MAP3K20: variants seen among roughly 807,000 people sequenced by gnomAD.
MAP3K20 encodes the protein HCCS-4.
In MAP3K20, 40 loss-of-function variants were observed where a neutral mutation model predicts 85.7. That is an observed-to-expected ratio of 0.47 (90% CI 0.36 to 0.61). The LOEUF is 0.61. MAP3K20 is among the 20% of genes least tolerant of loss of function. MAP3K20 has a pLI of 0.00. For missense variants in MAP3K20, 817 were observed against 961.7 expected, an observed-to-expected ratio of 0.85 and a Z score of 1.99; for synonymous variants, 325 against 327.7, an observed-to-expected ratio of 0.99 and a Z score of 0.09.
At chr2:173,117,924 G>C (rs574167216) in intron 2 of MAP3K20, among the ~76,000 whole-genome samples, 7 of 152,124 alleles carry the variant, frequency 4.6e-5, no homozygotes, top group Non-Finnish European at 8.8e-5. Context: ...TGATGGGAAG[G>C]GGGTGATAGA....
At chr2:173,148,010 A>G (rs946222413) in intron 2 of MAP3K20, among the ~76,000 whole-genome samples, 5 of 152,186 alleles carry the variant, frequency 3.3e-5, no homozygotes, top group African/African-American at 9.7e-5. Flanking sequence ...CTCTCTGAAA[A>G]TCTGACTTTG....
In MAP3K20 at chr2:173,243,096, A is replaced by G. The variant is rs555110776; in HGVS notation, c.1359+3600A>G. On this transcript the variant is annotated intron_variant, in intron 16 of 19. Transcript: ENST00000375213. ...AAGGTAGATGCTAGATTTTGATACAAAATCAAAAAGTACAATCCCAGCCTT... is the reference window on the plus strand; with the variant it reads ...AAGGTAGATGCTAGATTTTGATACAGAATCAAAAAGTACAATCCCAGCCTT... Among the ~76,000 whole-genome samples, 96 of 152,346 alleles carry G rather than the reference A, an allele frequency of 6.3e-4. 2 individuals carry two copies. The highest frequency in any genetic ancestry group is 2.2e-3 in the African/African-American group (90 of 41,584).
chr2:173,190,547 T>C (rs900586541), intron 5 of MAP3K20, among the ~76,000 whole-genome samples: 2 of 152,164 alleles, frequency 1.3e-5, no homozygotes, highest in Non-Finnish European at 2.9e-5. Flanking sequence ...TAATATGAAG[T>C]AGTAAAGCTA....
intron 2 of MAP3K20, among the ~76,000 whole-genome samples, chr2:173,093,872 A>C (rs970803390): frequency 6.6e-6 from 1 of 151,956 alleles, no homozygotes; most frequent in East Asian, 1.9e-4. Flanking sequence ...CATCATTCTC[A>C]GTAAACTATC....
At chr2:173,216,316 T>A (rs1684069763) in intron 10 of MAP3K20, among the ~76,000 whole-genome samples, 1 of 152,212 alleles carries the variant, frequency 6.6e-6, no homozygotes, top group Non-Finnish European at 1.5e-5. Flanking sequence ...AGGGGATAAC[T>A]TCCTTTAAAA....
chr2:173,244,315 G>A (rs577899894), intron 16 of MAP3K20, among the ~76,000 whole-genome samples: 1 of 152,310 alleles, frequency 6.6e-6, no homozygotes, highest in East Asian at 1.9e-4. Flanking sequence ...GGAACCATGA[G>A]TATTTTATTG....
intron 11 of MAP3K20, chr2:173,226,125 G>C (rs1488680019): frequency 6.1e-6 from 6 of 975,786 alleles, no homozygotes; most frequent in Non-Finnish European, 7.3e-6. Flanking sequence ...CAGTGAATTT[G>C]TTAGACTTTT....
chr2:173,173,154 CTGTGTGTGTGTGTGTG>C (rs57836780), intron 3 of MAP3K20, among the ~76,000 whole-genome samples: 6 of 138,512 alleles, frequency 4.3e-5, no homozygotes, highest in African/African-American at 1.6e-4. Context: ...TCTTTTATTT[CTGTGTGTGTGTGTGTG>C]TGTGTGTGTG....
intron 11 of MAP3K20, chr2:173,222,269 G>A (rs1474099469): frequency 1.0e-6 from 1 of 985,784 alleles, no homozygotes; most frequent in Non-Finnish European, 1.2e-6. Flanking sequence ...GATGATCTAA[G>A]AAGGTTATAA....
rs984654420 is a variant in MAP3K20, at chr2:173,217,111, G to T, written c.852-4G>T. On this transcript the variant is annotated splice_region_variant and splice_polypyrimidine_tract_variant and intron_variant, in intron 10 of 19. Transcript: ENST00000375213. ...TGAGACTTACACCAGCTATCCCCGT[G>T]CAGGTGCGAAATTGAGGCAACTCTT... 2.6e-6 allele frequency: 4 copies of T among 1,549,666 alleles called. No individual in the cohort carries two copies. Among genetic ancestry groups the T allele is most frequent in the Non-Finnish European group, 3.5e-6 (4 of 1,146,484 alleles).
chr2:173,217,143 C>T lies in MAP3K20; in HGVS notation c.880C>T (p.Leu294=). 1 of 1,587,934 alleles carries T rather than the reference C, an allele frequency of 6.3e-7. No homozygotes were observed. The highest frequency in any genetic ancestry group is 8.6e-7 in the Non-Finnish European group (1 of 1,166,690). Reference sequence around the variant, plus strand: ...CGAAATTGAGGCAACTCTTGAGAGGCTAAAGAAACTAGAGCGTGATCTCAG... The same window carrying T: ...CGAAATTGAGGCAACTCTTGAGAGGTTAAAGAAACTAGAGCGTGATCTCAG... The part of the protein sequence containing the change: ...RCEIEATLER[L]KKLERDLSFK... Residue 294 remains leucine (L), a synonymous_variant, in exon 11 of 20, where the codon CTA becomes TTA. Coordinates refer to ENST00000375213, the MANE Select transcript of MAP3K20 (RefSeq NM_016653.3).
At chr2:173,244,653 T>A (rs1684873410) in intron 16 of MAP3K20, among the ~76,000 whole-genome samples, 2 of 152,322 alleles carry the variant, frequency 1.3e-5, no homozygotes, top group Admixed American at 1.3e-4. Flanking sequence ...TAAACCTATA[T>A]AAAACAGTCC....
At chr2:173,104,185 G>T (rs1432488227) in intron 2 of MAP3K20, among the ~76,000 whole-genome samples, 1 of 152,198 alleles carries the variant, frequency 6.6e-6, no homozygotes, top group East Asian at 1.9e-4. Flanking sequence ...CCTGACAGAT[G>T]CCTCCTTAAC....
At chr2:173,181,323 A>C (rs1233980393) in intron 3 of MAP3K20, among the ~76,000 whole-genome samples, 1 of 152,010 alleles carries the variant, frequency 6.6e-6, no homozygotes, top group Non-Finnish European at 1.5e-5. Context: ...AGGAGTTTGA[A>C]GTTTGAGACT....
At position 173,142,990 on chromosome 2, in the gene MAP3K20, G is replaced by A. The variant is rs76636558; in HGVS notation, c.160-26815G>A. On this transcript the variant is annotated intron_variant, in intron 2 of 19. Coordinates refer to ENST00000375213, the MANE Select transcript of MAP3K20 (RefSeq NM_016653.3). ...TGCAGTGAGCTGTGATCACACCATC[G>A]CACTCCAGCCTGGACAGCAGAGCTA... 1.5e-3 allele frequency among the ~76,000 whole-genome samples: 221 copies of A among 152,130 alleles called. 2 individuals are homozygous for A. The East Asian group carries it at 0.022, about 15-fold the overall frequency.
intron 14 of MAP3K20, among the ~76,000 whole-genome samples, chr2:173,234,453 G>A (rs1684599042): frequency 6.6e-6 from 1 of 152,306 alleles, no homozygotes; most frequent in African/African-American, 2.4e-5. Context: ...GATTAAACGT[G>A]CACACAGCAT....
At chr2:173,134,096 G>A (rs1688700232) in intron 2 of MAP3K20, among the ~76,000 whole-genome samples, 1 of 151,150 alleles carries the variant, frequency 6.6e-6, no homozygotes, top group Non-Finnish European at 1.5e-5. Flanking sequence ...TCTCAGTATG[G>A]GATTATTTTC....
Position 173,161,813 on chromosome 2 carries a change from G to A in MAP3K20, c.160-7992G>A, listed in dbSNP as rs561787093. Among the ~76,000 whole-genome samples, 23 of 152,230 alleles carry A rather than the reference G, an allele frequency of 1.5e-4. No individual in the cohort carries two copies. The East Asian group carries it at 2.9e-3, about 19-fold the overall frequency. ...TTCTGTAAGAGTAACCTGAATGAAC[G>A]CTGGTTTGTTCCAGAGCCGTATCGG... is the stretch of plus-strand genomic sequence containing the variant. On this transcript the variant is annotated intron_variant, in intron 2 of 19. Transcript: ENST00000375213.
chr2:173,116,620 C>T (rs1688130986), intron 2 of MAP3K20, among the ~76,000 whole-genome samples: 1 of 152,206 alleles, frequency 6.6e-6, no homozygotes, highest in Non-Finnish European at 1.5e-5. Context: ...AACAATCCCA[C>T]CTTGCGTGTC....
Sources: gnomAD v4.1 joint callset for allele counts (sites outside exome capture counted in the v4.1 genomes callset) on GRCh38, gnomAD v4.1.1 for gene constraint, MANE v1.5 for transcripts, NCBI Gene and HGNC (gene_info 2026-07-23, HGNC 2026-07-21) for gene names.